The following RGS6 variants were observed in gnomAD, a reference collection of about 807,000 sequenced individuals.
The protein encoded by RGS6 is regulator of G-protein signaling 6.
RGS6 carries 30 observed loss-of-function variants against 78.5 expected under a neutral mutation model. That is an observed-to-expected ratio of 0.38 (90% CI 0.29 to 0.52). RGS6 has a LOEUF of 0.52. Among genes scored for constraint, RGS6 ranks in the 20% least tolerant of loss-of-function variants. RGS6 has a pLI of 0.85. For synonymous variants in RGS6, 206 were observed against 206.0 expected, an observed-to-expected ratio of 1.00 and a Z score of 0.00; for missense variants, 495 against 609.7, an observed-to-expected ratio of 0.81 and a Z score of 1.98.
At chr14:72,381,717 GAA>G in intron 3 of RGS6, among the ~76,000 whole-genome samples, 1 of 152,226 alleles carries the variant, frequency 6.6e-6, no homozygotes, top group East Asian at 1.9e-4. Flanking sequence ...ATCTCAGGAT[GAA>G]AGTTTGAGAT....
chr14:72,127,657 C>G (rs551959107), intron 2 of RGS6, among the ~76,000 whole-genome samples: 8 of 152,170 alleles, frequency 5.3e-5, no homozygotes, highest in African/African-American at 1.9e-4. Context: ...CTTGCAGTTG[C>G]AAGAAATAAC....
chr14:72,064,819 T>C (rs993803278), intron 2 of RGS6, among the ~76,000 whole-genome samples: 6 of 152,224 alleles, frequency 3.9e-5, no homozygotes, highest in Non-Finnish European at 7.3e-5. Context: ...GTTTATCATG[T>C]GTACTTATCT....
At chr14:72,079,254 A>T (rs1451016154) in intron 2 of RGS6, among the ~76,000 whole-genome samples, 1 of 151,936 alleles carries the variant, frequency 6.6e-6, no homozygotes, top group East Asian at 1.9e-4. Context: ...ATATTATTAA[A>T]TTTTTTTCTA....
At chr14:71,986,144 A>G (rs1012925623) in intron 2 of RGS6, among the ~76,000 whole-genome samples, 45 of 152,146 alleles carry the variant, frequency 3.0e-4, no homozygotes, top group African/African-American at 1.0e-3. Context: ...TGCTTTTTGT[A>G]TATGACTACA....
At chr14:72,475,195 T>A (rs998183703) in intron 10 of RGS6, among the ~76,000 whole-genome samples, 1 of 138,358 alleles carries the variant, frequency 7.2e-6, no homozygotes, top group Admixed American at 8.2e-5. Context: ...AAGTCTTTTT[T>A]ATGGTTTTTT....
At chr14:72,115,456 C>T (rs2095865059) in intron 2 of RGS6, among the ~76,000 whole-genome samples, 1 of 152,152 alleles carries the variant, frequency 6.6e-6, no homozygotes, top group South Asian at 2.1e-4. Context: ...TGCTGCCTTT[C>T]AAGGAACTTC....
At chr14:71,877,648 G>T in the RGS6 span, among the ~76,000 whole-genome samples, 1 of 152,170 alleles carries the variant, frequency 6.6e-6, no homozygotes, top group Non-Finnish European at 1.5e-5. Context: ...AGAGAAGTTT[G>T]TTATTACCGA....
the RGS6 span, among the ~76,000 whole-genome samples, chr14:71,891,469 G>A: frequency 2.6e-5 from 4 of 152,330 alleles, no homozygotes; most frequent in East Asian, 5.8e-4. Context: ...TCTTAGCCAC[G>A]GTGGTCCAGC....
At chr14:72,617,274 C>T in the RGS6 span, among the ~76,000 whole-genome samples, 45,929 of 152,164 alleles carry the variant, frequency 0.3, 8,472 homozygotes, top group East Asian at 0.68. Flanking sequence ...CACTTGGGAA[C>T]ATTTGGGGAA....
intron 2 of RGS6, among the ~76,000 whole-genome samples, chr14:72,204,569 G>A (rs540376836): frequency 5.9e-5 from 9 of 152,316 alleles, no homozygotes; most frequent in Admixed American, 5.2e-4. Context: ...CAGTTCTAGA[G>A]GCTGGAAAGT....
chr14:71,913,571 C>T, the RGS6 span, among the ~76,000 whole-genome samples: 1 of 152,250 alleles, frequency 6.6e-6, no homozygotes, highest in South Asian at 2.1e-4. Context: ...ATGAGAGAGG[C>T]TGGAAAGGCC....
chr14:71,911,109 A>G, the RGS6 span, among the ~76,000 whole-genome samples: 1 of 152,258 alleles, frequency 6.6e-6, no homozygotes, highest in South Asian at 2.1e-4. Flanking sequence ...AGGTGTAAAA[A>G]GCAAAGTCAA....
chr14:72,297,419 T>TATC lies in RGS6; in HGVS notation c.85-54674_85-54673insCAT, dbSNP rs2065061714. ...AATCCTTAAACATGGTATATATTATTATTATTATTATTTTTTTTTTATACT... is the reference window on the plus strand; with the variant it reads ...AATCCTTAAACATGGTATATATTATTATCATTATTATTATTTTTTTTTTATACT... On this transcript the variant is annotated intron_variant, in intron 2 of 17. Transcript: ENST00000553525. Among the ~76,000 whole-genome samples, 4 of 143,504 alleles carry TATC rather than the reference T, an allele frequency of 2.8e-5. No individual in the cohort carries two copies. The South Asian group carries it at 8.4e-4, about 30-fold the overall frequency. 94.1% of individuals were successfully genotyped at this position (143,504 alleles called of 152,430 possible).
At chr14:72,609,781 A>T in the RGS6 span, among the ~76,000 whole-genome samples, 3 of 152,160 alleles carry the variant, frequency 2.0e-5, no homozygotes, top group East Asian at 5.8e-4. Context: ...GGGTGGGCCA[A>T]ATGGAGATAT....
At chr14:72,508,593 T>TTTTTTTTTTTTTTTTTTTTTTTA (rs2096840323) in intron 13 of RGS6, among the ~76,000 whole-genome samples, 1 of 120,702 alleles carries the variant, frequency 8.3e-6, no homozygotes, top group African/African-American at 3.4e-5. Context: ...TTTTTTTTTT[T>TTTTTTTTTTTTTTTTTTTTTTTA]ACTAAGTGGA....
chr14:72,574,545 G>A, the RGS6 span, among the ~76,000 whole-genome samples: 3 of 152,244 alleles, frequency 2.0e-5, no homozygotes, highest in African/African-American at 4.8e-5. Flanking sequence ...AGCGCTTATT[G>A]AGATTGGCCA....
intron 2 of RGS6, among the ~76,000 whole-genome samples, chr14:72,115,236 T>G (rs2095859950): frequency 6.6e-6 from 1 of 152,160 alleles, no homozygotes; most frequent in Admixed American, 6.5e-5. Flanking sequence ...ACAGGATTTC[T>G]TCTCTGGATT....
At chr14:72,504,359 C>G (rs757611787) in intron 13 of RGS6, among the ~76,000 whole-genome samples, 32 of 152,204 alleles carry the variant, frequency 2.1e-4, no homozygotes, top group Non-Finnish European at 7.3e-5. Context: ...GAAGAGCCAA[C>G]CTGCACCTTC....
chr14:72,434,169 C>T (rs2094792200), intron 3 of RGS6, among the ~76,000 whole-genome samples: 1 of 151,986 alleles, frequency 6.6e-6, no homozygotes, highest in South Asian at 2.1e-4. Flanking sequence ...GCTCTCATCT[C>T]CACAAAAAAA....
Sources: allele counts gnomAD v4.1 joint callset (sites outside exome capture counted in the v4.1 genomes callset), GRCh38; gene constraint gnomAD v4.1.1; transcripts MANE v1.5; gene names NCBI Gene and HGNC (gene_info 2026-07-23, HGNC 2026-07-21).